The following DOCK2 variants were observed in gnomAD, a reference collection of about 807,000 sequenced individuals.
DOCK2 encodes the protein dedicator of cytokinesis 2.
In DOCK2, 87 loss-of-function variants were observed where a neutral mutation model predicts 248.9. The ratio of observed to expected loss-of-function variants is 0.35; its 90% CI spans 0.29 to 0.42. The LOEUF is 0.42. Ranked by LOEUF, DOCK2 falls within the 10% of genes least tolerant of loss-of-function variation. The pLI is 1.00. For missense variants in DOCK2, 1,747 were observed against 2,300.2 expected, an observed-to-expected ratio of 0.76 and a Z score of 4.92; for synonymous variants, 805 against 821.6, an observed-to-expected ratio of 0.98 and a Z score of 0.35.
intron 27 of DOCK2, among the ~76,000 whole-genome samples, chr5:169,906,504 A>G (rs1774291123): frequency 6.6e-6 from 1 of 151,964 alleles, no homozygotes; most frequent in African/African-American, 2.4e-5. Flanking sequence ...ATGTTATTTC[A>G]TTTTATTTGT....
rs71605735 is a variant in DOCK2, at chr5:169,871,280, A to C, written c.2799+30428A>C. ...TAAAGAAGGACCAAATGTTTTAGCC[A>C]TGGACCTAACTCTTTCCAGCATTTT... On this transcript the variant is annotated intron_variant, in intron 27 of 51. Coordinates refer to ENST00000520908, the MANE Select transcript of DOCK2 (RefSeq NM_004946.3). 5.3e-5 allele frequency among the ~76,000 whole-genome samples: 8 copies of C among 152,350 alleles called. No homozygotes were observed. The South Asian group carries it at 1.4e-3, about 28-fold the overall frequency.
intron 26 of DOCK2, among the ~76,000 whole-genome samples, chr5:169,813,298 C>G (rs1373592372): frequency 2.0e-5 from 3 of 152,188 alleles, no homozygotes; most frequent in Non-Finnish European, 4.4e-5. Context: ...TCCCGATGAG[C>G]TGGCTCCATT....
At chr5:169,700,789 A>G (rs1354167051) in intron 13 of DOCK2, among the ~76,000 whole-genome samples, 1 of 152,110 alleles carries the variant, frequency 6.6e-6, no homozygotes, top group Admixed American at 6.5e-5. Flanking sequence ...GGAGTCAGCT[A>G]TGCTAAAGGG....
intron 27 of DOCK2, among the ~76,000 whole-genome samples, chr5:169,938,662 A>T (rs1295612101): frequency 6.6e-6 from 1 of 152,214 alleles, no homozygotes; most frequent in Non-Finnish European, 1.5e-5. Flanking sequence ...TAGGATGGTT[A>T]CTGTACACTA....
intron 22 of DOCK2, among the ~76,000 whole-genome samples, chr5:169,741,659 G>GCTT (rs1283944067): frequency 3.3e-5 from 5 of 152,206 alleles, no homozygotes; most frequent in South Asian, 4.1e-4. Context: ...AATAGAAAAA[G>GCTT]CGTAGAGCCA....
chr5:169,801,381 C>T (rs553760866), intron 25 of DOCK2, among the ~76,000 whole-genome samples: 1 of 152,194 alleles, frequency 6.6e-6, no homozygotes, highest in African/African-American at 2.4e-5. Flanking sequence ...GCTGTGTACA[C>T]ATGACAAGTC....
chr5:169,741,386 T>G (rs1395590491), intron 22 of DOCK2, among the ~76,000 whole-genome samples: 2 of 152,172 alleles, frequency 1.3e-5, no homozygotes, highest in African/African-American at 4.8e-5. Context: ...AGGATGATCT[T>G]CAGACAGACT....
chr5:169,702,292 C>T lies in DOCK2; in HGVS notation c.1259-11C>T. Reference sequence around the variant, plus strand: ...CACACTAACTCTTGTCTCTCTCTCCCTCTGCCTCAGGGGATGTCAGGAACG... The same window carrying T: ...CACACTAACTCTTGTCTCTCTCTCCTTCTGCCTCAGGGGATGTCAGGAACG... On this transcript the variant is annotated splice_polypyrimidine_tract_variant and intron_variant, in intron 13 of 51. Transcript: ENST00000520908. 6.2e-7 allele frequency: 1 copy of T among 1,613,342 alleles called. No individual in the cohort carries two copies. Among genetic ancestry groups the T allele is most frequent in the East Asian group, 2.2e-5 (1 of 44,846 alleles).
At chr5:169,972,754 G>A (rs1777569899) in intron 27 of DOCK2, among the ~76,000 whole-genome samples, 1 of 152,176 alleles carries the variant, frequency 6.6e-6, no homozygotes, top group Admixed American at 6.5e-5. Context: ...TTGATTGATT[G>A]GGAGTGAGGA....
intron 27 of DOCK2, among the ~76,000 whole-genome samples, chr5:169,885,430 CCTAGGGTATCCTG>C (rs1772917288): frequency 6.6e-6 from 1 of 152,246 alleles, no homozygotes; most frequent in South Asian, 2.1e-4. Context: ...GAGTGAAGGT[CCTAGGGTATCCTG>C]CTAGGGCAAC....
At chr5:169,682,451 C>A (rs1482326920) in intron 7 of DOCK2, among the ~76,000 whole-genome samples, 1 of 152,166 alleles carries the variant, frequency 6.6e-6, no homozygotes, top group Non-Finnish European at 1.5e-5. Flanking sequence ...GTGGTGAACA[C>A]CAGGGGAGTT....
chr5:169,669,506 C>T lies in DOCK2; in HGVS notation c.168+178C>T, dbSNP rs551647796. Among the ~76,000 whole-genome samples, 4 of 152,314 alleles carry T rather than the reference C, an allele frequency of 2.6e-5. No homozygotes were observed. The South Asian group carries it at 8.3e-4, about 32-fold the overall frequency. ...TCACTCGCTGTGCTCAGCTCCCTCC[C>T]ACTTTCCCTCATTCTTTAAGGTTCA... On this transcript the variant is annotated intron_variant, in intron 3 of 51. Coordinates refer to ENST00000520908, the MANE Select transcript of DOCK2 (RefSeq NM_004946.3).
chr5:169,732,661 A>G (rs1032015239), intron 22 of DOCK2, among the ~76,000 whole-genome samples: 1 of 152,072 alleles, frequency 6.6e-6, no homozygotes, highest in Admixed American at 6.6e-5. Flanking sequence ...TCAAGTCTCA[A>G]ACCTTTCTCC....
chr5:169,814,096 T>C (rs1215474477), intron 26 of DOCK2, among the ~76,000 whole-genome samples: 1 of 152,228 alleles, frequency 6.6e-6, no homozygotes, highest in Non-Finnish European at 1.5e-5. Flanking sequence ...GATATTTGCA[T>C]AATCTCAAAG....
chr5:169,895,332 A>T (rs540013890), intron 27 of DOCK2, among the ~76,000 whole-genome samples: 3 of 151,886 alleles, frequency 2.0e-5, no homozygotes, highest in Admixed American at 6.5e-5. Flanking sequence ...AGGGAAGAGC[A>T]TATGGTAGAG....
Position 170,050,330 on chromosome 5 carries a change from C to A in DOCK2, c.4146C>A (p.Phe1382Leu). The change falls in exon 41 of 52, where the codon TTC becomes TTA. Residue 1382 changes from phenylalanine to leucine, a missense_variant. Phe to Leu is a conservative substitution (Grantham distance 22). Around this residue, in one of 4 missense-constraint regions of DOCK2, gnomAD observed 513 missense variants for 586.1 expected, o/e 0.88. Coordinates refer to ENST00000520908, the MANE Select transcript of DOCK2 (RefSeq NM_004946.3). ...EDFQMQLMTQ[F>L]PNAEKMNTTS... Reference sequence around the variant, plus strand: ...TCCAGATGCAGCTGATGACCCAGTTCCCCAATGCAGAGAAGATGAACACCA... The same window carrying A: ...TCCAGATGCAGCTGATGACCCAGTTACCCAATGCAGAGAAGATGAACACCA... 6.2e-7 allele frequency: 1 copy of A among 1,614,174 alleles called. No individual in the cohort carries two copies. The highest frequency in any genetic ancestry group is 8.5e-7 in the Non-Finnish European group (1 of 1,180,020).
intron 29 of DOCK2, among the ~76,000 whole-genome samples, chr5:169,991,032 T>C (rs1360460390): frequency 6.6e-6 from 1 of 152,262 alleles, no homozygotes; most frequent in Admixed American, 6.5e-5. Context: ...TCATTTAGTC[T>C]TCACACATGG....
intron 33 of DOCK2, among the ~76,000 whole-genome samples, chr5:170,027,469 C>T (rs927550376): frequency 2.0e-5 from 3 of 152,186 alleles, no homozygotes; most frequent in African/African-American, 7.2e-5. Flanking sequence ...ATCTCCATGC[C>T]TGTGCACATG....
intron 2 of DOCK2, among the ~76,000 whole-genome samples, chr5:169,659,198 A>G (rs1248887365): frequency 1.3e-5 from 2 of 152,002 alleles, no homozygotes; most frequent in Non-Finnish European, 2.9e-5. Context: ...AAAGAAGTGA[A>G]AAGAGCACTG....
Sources: gnomAD v4.1 joint callset for allele counts (sites outside exome capture counted in the v4.1 genomes callset) on GRCh38, gnomAD v4.1.1 for gene constraint, gnomAD v4.1.1 regional missense constraint, MANE v1.5 for transcripts, NCBI Gene and HGNC (gene_info 2026-07-23, HGNC 2026-07-21) for gene names.